Variants in NACA observed in about 807,000 individuals in gnomAD.
The protein encoded by NACA is nascent polypeptide-associated complex subunit alpha.
NACA carries 42 observed loss-of-function variants against 86.4 expected under a neutral mutation model. The observed-to-expected ratio is 0.49, with a 90% CI of 0.38 to 0.63. The LOEUF is 0.63. Among genes scored for constraint, NACA ranks in the 20% least tolerant of loss-of-function variants. NACA has a pLI of 0.00. For missense variants in NACA, 2,157 were observed against 2,483.6 expected, an observed-to-expected ratio of 0.87 and a Z score of 2.80; for synonymous variants, 898 against 973.7, an observed-to-expected ratio of 0.92 and a Z score of 1.45.
At position 56,713,575 on chromosome 12, in the gene NACA, G is replaced by A. The variant is rs200437576; in HGVS notation, c.5932C>T (p.Pro1978Ser). ...AAAACTATGTAAGTATCTGAAGCAG[G>A]GCTCTTGTAGACATCTGGTTTTGTG... ...VITKPDVYKS[P>S]ASDTYIVFGE... Residue 1978 changes from proline (P) to serine (S), a missense_variant, in exon 6 of 9, where the codon CCT becomes TCT. Physicochemically the swap from Pro to Ser is moderately conservative, Grantham distance 74. Transcript: ENST00000454682. The A allele has an allele frequency of 5.8e-5, 93 of 1,613,964 alleles. No individual in the cohort carries two copies.
chr12:56,715,794 G>C, intron 3 of NACA, 77 bp downstream of exon 3: 1 of 1,287,744 alleles, frequency 7.8e-7, no homozygotes, highest in South Asian at 1.8e-5. Context: ...GCATCACAGG[G>C]TTAGTATTGG....
intron 2 of NACA, among the ~76,000 whole-genome samples, chr12:56,723,483 C>G (rs1221390532): frequency 6.6e-6 from 1 of 152,122 alleles, no homozygotes; most frequent in Non-Finnish European, 1.5e-5. Context: ...GCCCCTTGTA[C>G]TTCAAGAATT....
At chr12:56,715,747 A>T in intron 3 of NACA, 124 bp downstream of exon 3, 3 of 887,284 alleles carry the variant, frequency 3.4e-6, no homozygotes, top group Non-Finnish European at 4.9e-6. Flanking sequence ...TCTATGTTCT[A>T]CATCCAAACC....
chr12:56,724,406 T>C (rs1953653731), intron 2 of NACA, 46 bp downstream of exon 2: 1 of 1,564,028 alleles, frequency 6.4e-7, no homozygotes, highest in Non-Finnish European at 8.7e-7. Flanking sequence ...ACCAAATGGC[T>C]TTAGGGTTAA....
intron 3 of NACA, among the ~76,000 whole-genome samples, chr12:56,715,162 G>A (rs1401705506): frequency 6.6e-6 from 1 of 152,210 alleles, no homozygotes; most frequent in Non-Finnish European, 1.5e-5. Context: ...GTTGGAGGAA[G>A]TCAAAAGCAG....
rs748861315 is a variant in NACA at position 56,721,015 on chromosome 12, A to C, written c.515T>G (p.Val172Gly). 2 of 1,614,012 alleles carry C rather than the reference A, an allele frequency of 1.2e-6. No individual in the cohort carries two copies. Among genetic ancestry groups the C allele is most frequent in the East Asian group, 4.5e-5 (2 of 44,882 alleles). Reference sequence around the variant, plus strand: ...AGCAATGGGAGCTGACAGAGTTATCACTGACCCTGACTCAGCTACAGCCAC... The same window carrying C: ...AGCAATGGGAGCTGACAGAGTTATCCCTGACCCTGACTCAGCTACAGCCAC... ...PSVAVAESGS[V>G]ITLSAPIAPS... is the part of the protein sequence containing the mutation. The change falls in exon 3 of 9, where the codon GTG becomes GGG. Residue 172 changes from valine (V) to glycine (G), a missense_variant. Physicochemically the swap from Val to Gly is moderately radical, Grantham distance 109. This residue lies in a region of NACA where 947 missense variants were observed against 917.9 expected (regional missense o/e 1.03). Coordinates refer to ENST00000454682, the MANE Select transcript of NACA (RefSeq NM_001365896.1).
chr12:56,716,297 A>T lies in NACA; in HGVS notation c.5233T>A (p.Ser1745Thr). 1 of 1,613,124 alleles carries T rather than the reference A, an allele frequency of 6.2e-7. No homozygotes were observed. The highest frequency in any genetic ancestry group is 8.5e-7 in the Non-Finnish European group (1 of 1,179,804). The change falls in exon 3 of 9, where the codon TCT (serine) becomes ACT (threonine). Residue 1745 changes from serine (S) to threonine (T), a missense_variant. Coordinates refer to ENST00000454682, the MANE Select transcript of NACA (RefSeq NM_001365896.1). ...PAPLLPVQKDSSKTAKGKDAS... is the reference protein window; with the variant it reads ...PAPLLPVQKDTSKTAKGKDAS... ...TCTTTGCCTTTTGCTGTCTTTGAAG[A>T]GTCTTTCTGAACAGGGAGTAGAGGG...
At position 56,716,884 on chromosome 12, in the gene NACA, A is replaced by C; in HGVS notation, c.4646T>G (p.Ile1549Ser). Residue 1549 changes from isoleucine to serine, a missense_variant, in exon 3 of 9, where the codon ATT (isoleucine) becomes AGT (serine). Around this residue, in one of 8 missense-constraint regions of NACA, gnomAD observed 797 missense variants for 777.6 expected, o/e 1.02. Transcript: ENST00000454682. ...GGAGGGAACAGTCATAGCTGGGGGA[A>C]TGAGGGCCTCTTTGGGGGCTAGAGT... is the stretch of plus-strand genomic sequence containing the variant. ...PATLAPKEAL[I>S]PPAMTVPSPK... is the part of the protein sequence containing the mutation. 29 of 1,199,670 alleles carry C rather than the reference A, an allele frequency of 2.4e-5. No homozygotes were observed. Among genetic ancestry groups the C allele is most frequent in the Middle Eastern group, 2.4e-4 (1 of 4,130 alleles). 74.3% of individuals were successfully genotyped at this position (1,199,670 alleles called of 1,614,324 possible). A position where few individuals can be genotyped will look rare whatever the true frequency, so the allele number is the denominator to read the frequency against.
chr12:56,716,668 G>C lies in NACA; in HGVS notation c.4862C>G (p.Pro1621Arg). ...TGCTGGGCCCTTTTCGGGGGATGGA[G>C]GAGTCACAGCTGGAGGAGTAGGTGC... ...KEAPTPPAVT[P>R]PSPEKGPATP... The change falls in exon 3 of 9, where the codon CCT becomes CGT. Residue 1621 changes from proline to arginine, a missense_variant. Physicochemically the swap from Pro to Arg is moderately radical, Grantham distance 103. Around this residue, in one of 8 missense-constraint regions of NACA, gnomAD observed 797 missense variants for 777.6 expected, o/e 1.02. Coordinates refer to ENST00000454682, the MANE Select transcript of NACA (RefSeq NM_001365896.1). 1 of 1,437,482 alleles carries C rather than the reference G, an allele frequency of 7.0e-7. No homozygotes were observed. 89.0% of individuals were successfully genotyped at this position (1,437,482 alleles called of 1,614,324 possible).
intron 8 of NACA, 22 bp from the exon 9 acceptor site, chr12:56,712,574 T>C: frequency 6.2e-7 from 1 of 1,613,052 alleles, no homozygotes; most frequent in African/African-American, 1.3e-5. Context: ...AAAAGATAAT[T>C]AGCGGTTCTT....
At position 56,720,690 on chromosome 12, in the gene NACA, A is replaced by G. The variant is rs374589645; in HGVS notation, c.840T>C (p.Thr280=). 1.7e-3 allele frequency: 2,726 copies of G among 1,613,930 alleles called. 13 individuals carry two copies. The highest frequency in any genetic ancestry group is 1.4e-3 in the Non-Finnish European group (1,604 of 1,179,896). ...VSPPAALSLS[T]QSLPVVTSSQ... ...AAGAGGTCACCACAGGAAGAGACTG[A>G]GTTGAAAGAGATAAGGCAGCAGGTG... Residue 280 remains threonine, a synonymous_variant, in exon 3 of 9, where the codon ACT becomes ACC. Transcript: ENST00000454682.
At chr12:56,722,537 A>T (rs1037131945) in intron 2 of NACA, among the ~76,000 whole-genome samples, 2 of 152,068 alleles carry the variant, frequency 1.3e-5, no homozygotes, top group Non-Finnish European at 1.5e-5. Flanking sequence ...AAAATACAAA[A>T]ATTAGCTGGG....
rs1390558272 is a variant in NACA at position 56,720,372 on chromosome 12, A to G, written c.1158T>C (p.Ser386=). The G allele has an allele frequency of 6.2e-7, 1 of 1,613,962 alleles. No individual in the cohort carries two copies. Among genetic ancestry groups the G allele is most frequent in the Non-Finnish European group, 8.5e-7 (1 of 1,179,870 alleles). ...GGCTGCAGGTTATGCTAGAGATGGT[A>G]GAGGGACCTTTGTCAACAGATGGAG... is the stretch of plus-strand genomic sequence containing the variant. The part of the protein sequence containing the change: ...VVAPSVDKGP[S]TISSITCSPS... The change falls in exon 3 of 9, where the codon TCT becomes TCC. Residue 386 remains serine, a synonymous_variant. Transcript: ENST00000454682.
At chr12:56,714,311 A>G in intron 5 of NACA, 51 bp downstream of exon 5, 1 of 1,570,948 alleles carries the variant, frequency 6.4e-7, no homozygotes. Context: ...AAACAGTTCC[A>G]CTCTGTATAA....
chr12:56,724,428 G>A (rs1007236096), intron 2 of NACA, 24 bp downstream of exon 2: 2 of 1,597,072 alleles, frequency 1.3e-6, no homozygotes, highest in Admixed American at 3.5e-5. Context: ...TTTAATTAAT[G>A]GCAAGGAGGG....
chr12:56,713,674 T>C lies in NACA; in HGVS notation c.5833A>G (p.Lys1945Glu). Residue 1945 changes from lysine (K) to glutamate (E), a missense_variant, in exon 6 of 9, where the codon AAA becomes GAA. Physicochemically the swap from Lys to Glu is moderately conservative, Grantham distance 56. Transcript: ENST00000454682. ...SEKKARKAMS[K>E]LGLRQVTGVT... Reference sequence around the variant, plus strand: ...CCTGTAACCTGCCGAAGACCCAGTTTGGACATAGCCTAAAGAAGAGAAAAT... The same window carrying C: ...CCTGTAACCTGCCGAAGACCCAGTTCGGACATAGCCTAAAGAAGAGAAAAT... 1 of 1,614,112 alleles carries C rather than the reference T, an allele frequency of 6.2e-7. No homozygotes were observed. The highest frequency in any genetic ancestry group is 8.5e-7 in the Non-Finnish European group (1 of 1,179,998).
At position 56,716,880 on chromosome 12, in the gene NACA, G is replaced by C. The variant is rs1266017039; in HGVS notation, c.4650C>G (p.Pro1550=). 2 of 1,319,028 alleles carry C rather than the reference G, an allele frequency of 1.5e-6. No homozygotes were observed. Among genetic ancestry groups the C allele is most frequent in the Non-Finnish European group, 2.0e-6 (2 of 1,013,644 alleles). 81.7% of individuals were successfully genotyped at this position (1,319,028 alleles called of 1,614,324 possible). A position where few individuals can be genotyped will look rare whatever the true frequency, so the allele number is the denominator to read the frequency against. The change falls in exon 3 of 9, where the codon CCC becomes CCG. Residue 1550 remains proline (P), a synonymous_variant. Coordinates refer to ENST00000454682, the MANE Select transcript of NACA (RefSeq NM_001365896.1). ...ATLAPKEALI[P]PAMTVPSPKK... Reference sequence around the variant, plus strand: ...TAGGGGAGGGAACAGTCATAGCTGGGGGAATGAGGGCCTCTTTGGGGGCTA... The same window carrying C: ...TAGGGGAGGGAACAGTCATAGCTGGCGGAATGAGGGCCTCTTTGGGGGCTA...
Position 56,724,446 on chromosome 12 carries a change from A to G in NACA, c.70+6T>C, listed in dbSNP as rs1322437025. 6.2e-7 allele frequency: 1 copy of G among 1,607,848 alleles called. No homozygotes were observed. The highest frequency in any genetic ancestry group is 2.2e-5 in the East Asian group (1 of 44,736). On this transcript the variant is annotated splice_donor_region_variant and intron_variant, in intron 2 of 8. Transcript: ENST00000454682. ...AATTAATGGCAAGGAGGGTAGGGAAACCTACCTGTCTCAGCCTGGGGCTGC... is the reference window on the plus strand; with the variant it reads ...AATTAATGGCAAGGAGGGTAGGGAAGCCTACCTGTCTCAGCCTGGGGCTGC...
Position 56,720,468 on chromosome 12 carries a change from T to A in NACA, c.1062A>T (p.Arg354Ser). 6.2e-7 allele frequency: 1 copy of A among 1,613,722 alleles called. No individual in the cohort carries two copies. Among genetic ancestry groups the A allele is most frequent in the Non-Finnish European group, 8.5e-7 (1 of 1,179,766 alleles). ...SSTGASYPSQRSVIPPLPSRN... is the reference protein window; with the variant it reads ...SSTGASYPSQSSVIPPLPSRN... ...TGGAAGGAAGGGGAGGAATTACAGA[T>A]CTCTGAGAAGGATAAGAGGCCCCTG... The change falls in exon 3 of 9, where the codon AGA becomes AGT. Residue 354 changes from arginine (R) to serine (S), a missense_variant. By Grantham distance (110) the Arg-to-Ser change is moderately radical. This residue lies in a region of NACA where 947 missense variants were observed against 917.9 expected (regional missense o/e 1.03). Transcript: ENST00000454682.
Sources: gnomAD v4.1 joint callset for allele counts (sites outside exome capture counted in the v4.1 genomes callset) on GRCh38, gnomAD v4.1.1 for gene constraint, gnomAD v4.1.1 regional missense constraint, MANE v1.5 for transcripts, NCBI Gene and HGNC (gene_info 2026-07-23, HGNC 2026-07-21) for gene names.